LYST: variants seen among roughly 807,000 people sequenced by gnomAD.
The protein encoded by LYST is lysosomal-trafficking regulator.
In LYST, 192 loss-of-function variants were observed where a neutral mutation model predicts 413.6. The observed-to-expected ratio is 0.46, with a 90% CI of 0.41 to 0.52. The LOEUF (loss-of-function observed/expected upper bound fraction) is 0.52, where lower values mean the gene tolerates loss of function less well. Among genes scored for constraint, LYST ranks in the 20% least tolerant of loss-of-function variants. LYST has a pLI of 0.00. For missense variants in LYST, 3,815 were observed against 4,499.9 expected (o/e 0.85, Z 4.35); for synonymous variants, 1,525 against 1,567.3 (o/e 0.97, Z 0.64).
Position 235,804,658 on chromosome 1 carries a change from G to A in LYST, c.3401C>T (p.Ser1134Phe). Residue 1134 changes from serine to phenylalanine, a missense_variant, in exon 7 of 53, where the codon TCT (serine) becomes TTT (phenylalanine). By Grantham distance (155) the Ser-to-Phe change is radical. Transcript: ENST00000389793. ...CATTTCAAATAATATACTTTCCACA[G>A]ACAAGTTCTAAGGTAAAATAAAAGA... ...MELELPNQNL[S>F]VESILFEMRD... 1 of 1,596,088 alleles carries A rather than the reference G, an allele frequency of 6.3e-7. No individual in the cohort carries two copies. Among genetic ancestry groups the A allele is most frequent in the Non-Finnish European group, 8.6e-7 (1 of 1,165,220 alleles).
At chr1:235,696,760 T>C (rs936654710) in intron 46 of LYST, among the ~76,000 whole-genome samples, 2 of 152,216 alleles carry the variant, frequency 1.3e-5, no homozygotes, top group Non-Finnish European at 2.9e-5. Context: ...AGATGGTAGA[T>C]TTGTTGGTCA....
At chr1:235,821,325 T>C (rs1674726032) in intron 3 of LYST, among the ~76,000 whole-genome samples, 1 of 152,124 alleles carries the variant, frequency 6.6e-6, no homozygotes. Flanking sequence ...TAATCACAGC[T>C]ATTTGGGAGG....
At chr1:235,711,698 T>A (rs1027376953) in intron 43 of LYST, among the ~76,000 whole-genome samples, 8 of 152,174 alleles carry the variant, frequency 5.3e-5, no homozygotes, top group African/African-American at 1.9e-4. Flanking sequence ...GAGATTTCAG[T>A]TAATTTACAT....
chr1:235,689,782 A>C (rs77096170), intron 47 of LYST, among the ~76,000 whole-genome samples: 14,159 of 152,302 alleles, frequency 0.093, 744 homozygotes, highest in Middle Eastern at 0.16. Context: ...AAATATATAC[A>C]ATTTTATTTG....
chr1:235,683,702 T>C (rs1660006463), intron 48 of LYST, among the ~76,000 whole-genome samples: 1 of 152,210 alleles, frequency 6.6e-6, no homozygotes. Flanking sequence ...ATCTTTTGTC[T>C]GTGTTAAAGA....
At chr1:235,714,793 T>C (rs554026727) in intron 42 of LYST, among the ~76,000 whole-genome samples, 27 of 152,332 alleles carry the variant, frequency 1.8e-4, no homozygotes, top group African/African-American at 6.5e-4. Flanking sequence ...TAAACCTCAA[T>C]AATGTACTTG....
At chr1:235,813,291 C>T (rs1673656926) in intron 3 of LYST, among the ~76,000 whole-genome samples, 1 of 152,186 alleles carries the variant, frequency 6.6e-6, no homozygotes, top group Non-Finnish European at 1.5e-5. Flanking sequence ...ATTTAGCACA[C>T]TCCTGCTGAT....
At chr1:235,722,183 G>A (rs1218345326) in intron 39 of LYST, among the ~76,000 whole-genome samples, 1 of 152,238 alleles carries the variant, frequency 6.6e-6, no homozygotes, top group African/African-American at 2.4e-5. Context: ...GAGCGAGGGA[G>A]AGAACAGCAG....
chr1:235,672,817 T>C (rs1010813951), intron 50 of LYST, among the ~76,000 whole-genome samples: 1 of 152,200 alleles, frequency 6.6e-6, no homozygotes, highest in African/African-American at 2.4e-5. Context: ...AAATGCTTTA[T>C]AGGTTGCCTT....
At position 235,662,854 on chromosome 1, in the gene LYST, T is replaced by G; in HGVS notation, c.*86A>C. 1 of 813,476 alleles carries G rather than the reference T, an allele frequency of 1.2e-6. No homozygotes were observed. The highest frequency in any genetic ancestry group is 2.2e-6 in the Non-Finnish European group (1 of 449,966). The allele number at this position is 813,476 out of a possible 1,614,324, so 50.4% of individuals were successfully genotyped here. ...GATGGTTTGTCCAGTCATCCATTTCTTTAGGTTCAACCTCCTAAAACTGGT... is the reference window on the plus strand; with the variant it reads ...GATGGTTTGTCCAGTCATCCATTTCGTTAGGTTCAACCTCCTAAAACTGGT... On this transcript the variant is annotated 3_prime_UTR_variant, in exon 53 of 53. Transcript: ENST00000389793.
In LYST at chr1:235,788,719, T is replaced by C. The variant is rs1005070627; in HGVS notation, c.4670A>G (p.Asn1557Ser). The change falls in exon 13 of 53, where the codon AAT (asparagine) becomes AGT (serine). Residue 1557 changes from asparagine (N) to serine (S), a missense_variant. Physicochemically the swap from Asn to Ser is conservative, Grantham distance 46. Coordinates refer to ENST00000389793, the MANE Select transcript of LYST (RefSeq NM_000081.4). ...TCAATACCGAAAGATAAGAGTGGCA[T>C]TGTGGGGATCAGCCCACACTTGGAT... ...LMIQVWADPH[N>S]ATLIFRVCMD... 9.9e-6 allele frequency: 16 copies of C among 1,613,808 alleles called. No individual in the cohort carries two copies. Among genetic ancestry groups the C allele is most frequent in the Middle Eastern group, 1.6e-4 (1 of 6,062 alleles).
In LYST at chr1:235,854,583, CTCTT is replaced by C. The variant is rs1027746164; in HGVS notation, c.-98+12256_-98+12259del. 1.9e-4 allele frequency among the ~76,000 whole-genome samples: 29 copies of C among 152,150 alleles called. No homozygotes were observed. The highest frequency in any genetic ancestry group is 6.8e-4 in the African/African-American group (28 of 41,434). Reference sequence around the variant, plus strand: ...TCTATGACCTTGGGTACTCGACTTCCTCTTTCTAAGCCTCAGTTTCTCATCTATA... The same window carrying C: ...TCTATGACCTTGGGTACTCGACTTCCTCTAAGCCTCAGTTTCTCATCTATA... On this transcript the variant is annotated intron_variant, in intron 1 of 52. Transcript: ENST00000389793. The surrounding 1 kb of genome is among the most constrained non-coding windows in gnomAD (Gnocchi z 4.1).
At chr1:235,712,770 G>T (rs139429081) in intron 42 of LYST, 1 of 984,692 alleles carries the variant, frequency 1.0e-6, no homozygotes, top group Non-Finnish European at 1.2e-6. Flanking sequence ...AAAATTTCCT[G>T]TGAATGAAAA....
intron 3 of LYST, among the ~76,000 whole-genome samples, chr1:235,814,806 A>C (rs1673868681): frequency 2.0e-5 from 3 of 150,392 alleles, no homozygotes; most frequent in Non-Finnish European, 3.0e-5. Flanking sequence ...TAAAATCTAA[A>C]CCCCTTTTTA....
At chr1:235,696,991 C>T in intron 46 of LYST, 92 bp downstream of exon 46, 1 of 1,249,016 alleles carries the variant, frequency 8.0e-7, no homozygotes, top group East Asian at 2.5e-5. Context: ...GTTTTTCCAC[C>T]AAGGACTCAA....
Position 235,804,613 on chromosome 1 carries a change from G to T in LYST, c.3446C>A (p.Ser1149Ter). 6.2e-7 allele frequency: 1 copy of T among 1,610,528 alleles called. No homozygotes were observed. Among genetic ancestry groups the T allele is most frequent in the Non-Finnish European group, 8.5e-7 (1 of 1,176,886 alleles). ...LFEMRDHLSQ[S>*]KVIETQLAKP... Reference sequence around the variant, plus strand: ...TGCTAGTTGTGTTTCAATCACCTTTGACTGGGAAAGATGGTCCCTCATTTC... The same window carrying T: ...TGCTAGTTGTGTTTCAATCACCTTTTACTGGGAAAGATGGTCCCTCATTTC... Residue 1149 changes from serine to a stop codon, truncating the protein, a stop_gained, in exon 7 of 53, where the codon TCA (serine) becomes TAA (stop). Transcript: ENST00000389793. LOFTEE classifies it high-confidence loss of function.
chr1:235,687,787 C>T (rs545414716), intron 47 of LYST, among the ~76,000 whole-genome samples: 15 of 152,328 alleles, frequency 9.8e-5, no homozygotes, highest in African/African-American at 3.4e-4. Flanking sequence ...CTCTCCTCTG[C>T]ACCTCAACAT....
chr1:235,828,741 C>T (rs892693866), intron 3 of LYST: 68 of 912,572 alleles, frequency 7.5e-5, no homozygotes, highest in Non-Finnish European at 8.9e-5. Context: ...TGGGGAAGAA[C>T]AGAGCATGGT....
chr1:235,874,455 C>A (rs1681057464), intron 1 of LYST, among the ~76,000 whole-genome samples: 1 of 152,166 alleles, frequency 6.6e-6, no homozygotes, highest in South Asian at 2.1e-4. Flanking sequence ...ACACCCAACT[C>A]CCATCCTGGG....
Sources: allele counts gnomAD v4.1 joint callset (sites outside exome capture counted in the v4.1 genomes callset), GRCh38; gene constraint gnomAD v4.1.1; non-coding constraint Gnocchi (gnomAD v3.1); transcripts MANE v1.5; gene names NCBI Gene and HGNC (gene_info 2026-07-23, HGNC 2026-07-21).